The following HAT1 variants were observed in gnomAD, a reference collection of about 807,000 sequenced individuals.
HAT1 encodes histone acetyltransferase 1, also known as histone acetyltransferase type B catalytic subunit.
HAT1 carries 20 observed loss-of-function variants against 56.6 expected under a neutral mutation model. That is an observed-to-expected ratio of 0.35 (90% CI 0.25 to 0.51). The LOEUF is 0.51. Ranked by LOEUF, HAT1 falls within the 20% of genes least tolerant of loss-of-function variation. The pLI is 0.95. For missense variants in HAT1, 408 were observed against 504.3 expected, an observed-to-expected ratio of 0.81 and a Z score of 1.83; for synonymous variants, 146 against 165.5, an observed-to-expected ratio of 0.88 and a Z score of 0.91.
At chr2:171,949,001 GA>G (rs1053072287) in intron 3 of HAT1, among the ~76,000 whole-genome samples, 4 of 152,076 alleles carry the variant, frequency 2.6e-5, no homozygotes, top group African/African-American at 7.2e-5. Context: ...CTGTGAGACC[GA>G]AAATATCCTG....
intron 8 of HAT1, among the ~76,000 whole-genome samples, chr2:171,970,556 G>T (rs1687790923): frequency 7.3e-5 from 8 of 110,184 alleles, no homozygotes; most frequent in Middle Eastern, 5.7e-3. Context: ...GTCTCCCTCT[G>T]TCCCCCAGGC....
Position 171,979,371 on chromosome 2 carries a change from T to C in HAT1, c.1092+8T>C. The C allele has an allele frequency of 1.6e-6, 2 of 1,290,240 alleles. No homozygotes were observed. The highest frequency in any genetic ancestry group is 2.9e-5 in the African/African-American group (2 of 68,882). The allele number at this position is 1,290,240 out of a possible 1,614,324, so 79.9% of individuals were successfully genotyped here. On this transcript the variant is annotated splice_region_variant and intron_variant, in intron 10 of 10. Transcript: ENST00000264108. ...CTAATTAGCCCATATAAGGTAGGACTTTCAAGAATCTTAAACACTGTATTC... is the reference window on the plus strand; with the variant it reads ...CTAATTAGCCCATATAAGGTAGGACCTTCAAGAATCTTAAACACTGTATTC...
chr2:171,963,047 T>C (rs1044751201), intron 4 of HAT1, among the ~76,000 whole-genome samples: 5 of 151,722 alleles, frequency 3.3e-5, no homozygotes, highest in African/African-American at 1.2e-4. Context: ...TAAGACATGG[T>C]AGTCAGGATT....
intron 2 of HAT1, among the ~76,000 whole-genome samples, chr2:171,938,024 TTCTCTCTCTC>T (rs374402453): frequency 0.04 from 4,164 of 104,812 alleles, 113 homozygotes; most frequent in Middle Eastern, 0.06. Context: ...TGTCTACTGA[TTCTCTCTCTC>T]TCTCTCTCTC....
intron 4 of HAT1, among the ~76,000 whole-genome samples, chr2:171,960,183 G>A (rs748261203): frequency 1.3e-5 from 2 of 152,166 alleles, no homozygotes; most frequent in Non-Finnish European, 2.9e-5. Context: ...AGAACACACT[G>A]TATAGGGCAA....
chr2:171,971,198 AC>A (rs1687808930), intron 8 of HAT1, among the ~76,000 whole-genome samples: 3 of 152,156 alleles, frequency 2.0e-5, no homozygotes, highest in Non-Finnish European at 4.4e-5. Context: ...ACTCCGTCTC[AC>A]AAACAAACAA....
rs749114242 is a variant in HAT1 at position 171,952,842 on chromosome 2, C to T, written c.189-39C>T. ...TAGGGTTAATACTTTTTAATGACTG[C>T]AAAAATTCATTCCATTATTGCTATT... is the stretch of plus-strand genomic sequence containing the variant. On this transcript the variant is annotated intron_variant, in intron 3 of 10. Coordinates refer to ENST00000264108, the MANE Select transcript of HAT1 (RefSeq NM_003642.4). 10 of 1,490,528 alleles carry T rather than the reference C, an allele frequency of 6.7e-6. No individual in the cohort carries two copies. In the East Asian group the frequency reaches 2.1e-4, roughly 32 times the overall value. The allele number at this position is 1,490,528 out of a possible 1,614,324, so 92.3% of individuals were successfully genotyped here. A position where few individuals can be genotyped will look rare whatever the true frequency, so the allele number is the denominator to read the frequency against.
intron 3 of HAT1, among the ~76,000 whole-genome samples, chr2:171,952,065 T>C (rs1013451758): frequency 3.3e-5 from 5 of 152,358 alleles, no homozygotes; most frequent in African/African-American, 1.2e-4. Flanking sequence ...TATTGAGATA[T>C]ATACTGTGCA....
At chr2:171,956,034 G>T (rs758017003) in intron 4 of HAT1, among the ~76,000 whole-genome samples, 55 of 151,626 alleles carry the variant, frequency 3.6e-4, no homozygotes, top group Non-Finnish European at 6.9e-4. Context: ...AACAGAGCGA[G>T]ACTCTGTCTC....
chr2:171,924,362 A>G (rs111618627), intron 1 of HAT1: 1,540 of 152,064 alleles, frequency 0.01, 7 homozygotes, highest in Non-Finnish European at 0.016. Flanking sequence ...ACGTCCAGCT[A>G]ATTTTTGTAT....
At chr2:171,928,564 A>G (rs1686655802) in intron 2 of HAT1, among the ~76,000 whole-genome samples, 1 of 152,022 alleles carries the variant, frequency 6.6e-6, no homozygotes, top group South Asian at 2.1e-4. Context: ...GCTGGAGTGC[A>G]GTGGCATGAT....
chr2:171,925,403 G>T, intron 1 of HAT1, 134 bp from the exon 2 acceptor site: 1 of 568,574 alleles, frequency 1.8e-6, no homozygotes, highest in Non-Finnish European at 3.2e-6. Context: ...AGAGTATGTG[G>T]AGAATGACTT....
chr2:171,961,876 G>T (rs1687583117), intron 4 of HAT1, among the ~76,000 whole-genome samples: 1 of 142,800 alleles, frequency 7.0e-6, no homozygotes, highest in African/African-American at 2.5e-5. Flanking sequence ...AGTAGATACA[G>T]AATTTCTTTT....
intron 8 of HAT1, among the ~76,000 whole-genome samples, chr2:171,970,492 G>GTTTTTTTT (rs1558977951): frequency 9.4e-6 from 1 of 106,548 alleles, no homozygotes; most frequent in African/African-American, 4.3e-5. Context: ...TAGCAATGCA[G>GTTTTTTTT]TTTCTTTTTT....
chr2:171,949,573 C>G (rs1482212824), intron 3 of HAT1, among the ~76,000 whole-genome samples: 2 of 151,634 alleles, frequency 1.3e-5, no homozygotes, highest in South Asian at 2.1e-4. Flanking sequence ...ACTTGGGAAG[C>G]TGAGGCAGGA....
intron 2 of HAT1, among the ~76,000 whole-genome samples, chr2:171,935,610 T>G (rs1217275244): frequency 6.9e-6 from 1 of 144,908 alleles, no homozygotes; most frequent in Non-Finnish European, 1.5e-5. Context: ...GGTGTGGTGG[T>G]TCATGCTTGT....
rs148129757 is a variant in HAT1, at chr2:171,951,773, C to G, written c.189-1108C>G. ...TAATGGCATTTTGCACACTGTTTTG[C>G]GTAATATCACTGAAAGTGGGGTGCT... On this transcript the variant is annotated intron_variant, in intron 3 of 10. Coordinates refer to ENST00000264108, the MANE Select transcript of HAT1 (RefSeq NM_003642.4). Among the ~76,000 whole-genome samples the G allele has an allele frequency of 1.3e-4, 19 of 151,972 alleles. No homozygotes were observed. The East Asian group carries it at 2.5e-3, about 20-fold the overall frequency.
intron 3 of HAT1, among the ~76,000 whole-genome samples, chr2:171,951,922 A>G (rs910836161): frequency 5.9e-5 from 9 of 152,156 alleles, no homozygotes; most frequent in African/African-American, 2.2e-4. Flanking sequence ...TCTTCTTCAC[A>G]TAACTTTCAG....
rs569593477 is a variant in HAT1 at position 171,965,149 on chromosome 2, C to T, written c.310-189C>T. The stretch of plus-strand genomic sequence containing the variant: ...CTCTTATTTACTTTTATATTATGCT[C>T]ATCTCAGTTTTGTGTGATGCAGTTT... On this transcript the variant is annotated intron_variant, in intron 4 of 10. Transcript: ENST00000264108. 91 of 544,762 alleles carry T rather than the reference C, an allele frequency of 1.7e-4. No homozygotes were observed. In the Middle Eastern group the frequency reaches 2.0e-3, roughly 12 times the overall value. The allele number at this position is 544,762 out of a possible 1,614,324, so 33.7% of individuals were successfully genotyped here.
Sources: gnomAD v4.1 joint callset for allele counts (sites outside exome capture counted in the v4.1 genomes callset) on GRCh38, gnomAD v4.1.1 for gene constraint, MANE v1.5 for transcripts, NCBI Gene and HGNC (gene_info 2026-07-23, HGNC 2026-07-21) for gene names.